PPT1: variants seen among roughly 807,000 people sequenced by gnomAD.
The protein encoded by PPT1 is palmitoyl-protein thioesterase 1.
A neutral mutation model predicts 44.0 loss-of-function variants in PPT1; 24 were observed. The observed-to-expected ratio is 0.54, with a 90% confidence interval of 0.39 to 0.77. The LOEUF (loss-of-function observed/expected upper bound fraction) is 0.77. Among genes scored for constraint, PPT1 ranks in the 30% least tolerant of loss-of-function variants. PPT1 has a pLI of 0.00. For missense variants in PPT1, 341 were observed against 378.8 expected (o/e 0.90, Z 0.83); for synonymous variants, 148 against 140.2 (o/e 1.06, Z -0.39).
At position 40,092,190 on chromosome 1, in the gene PPT1, G is replaced by T; in HGVS notation, c.235-18C>A. ...TCCACGTCCTAAAAAAGAAGCCAGA[G>T]AGAAGTGAGAGGATGGGACTGAAAA... On this transcript the variant is annotated intron_variant, in intron 2 of 8. Coordinates refer to ENST00000642050, the MANE Select transcript of PPT1 (RefSeq NM_000310.4). 6.2e-7 allele frequency: 1 copy of T among 1,614,052 alleles called. No homozygotes were observed. The highest frequency in any genetic ancestry group is 1.1e-5 in the South Asian group (1 of 91,070).
At chr1:40,091,531 G>T in intron 3 of PPT1, 132 bp from the exon 4 acceptor site, 1 of 807,320 alleles carries the variant, frequency 1.2e-6, no homozygotes, top group Non-Finnish European at 2.1e-6. Context: ...TTCCTGATAT[G>T]GGCAAATGCA....
chr1:40,091,945 G>A, intron 3 of PPT1, 100 bp downstream of exon 3: 1 of 1,451,042 alleles, frequency 6.9e-7, no homozygotes, highest in Admixed American at 1.8e-5. Flanking sequence ...TCCCTTCCAA[G>A]ATAGGTGACA....
rs1309538219 is a variant in PPT1 at position 40,076,893 on chromosome 1, A to G, written c.747T>C (p.Ser249=). The change falls in exon 8 of 9, where the codon AGT becomes AGC. Residue 249 remains serine, a synonymous_variant. Transcript: ENST00000642050. Reference sequence around the variant, plus strand: ...AGGGAATGGTTTCCTTGGCTTGGCCACTTCTGTAAAATCCAAACCACTGCA... The same window carrying G: ...AGGGAATGGTTTCCTTGGCTTGGCCGCTTCTGTAAAATCCAAACCACTGCA... ...VDSEWFGFYR[S]GQAKETIPLQ... 1 of 1,614,226 alleles carries G rather than the reference A, an allele frequency of 6.2e-7. No homozygotes were observed. The highest frequency in any genetic ancestry group is 1.7e-5 in the Admixed American group (1 of 60,036).
At chr1:40,090,145 G>GT (rs1163684864) in intron 4 of PPT1, among the ~76,000 whole-genome samples, 11 of 152,204 alleles carry the variant, frequency 7.2e-5, no homozygotes, top group South Asian at 4.2e-4. Flanking sequence ...GTATCCTGTT[G>GT]TTTTTTTCCA....
rs768065632 is a variant in PPT1 at position 40,092,114 on chromosome 1, G to A, written c.293C>T (p.Ala98Val). The A allele has an allele frequency of 6.2e-7, 1 of 1,614,040 alleles. No individual in the cohort carries two copies. Among genetic ancestry groups the A allele is most frequent in the Non-Finnish European group, 8.5e-7 (1 of 1,179,900 alleles). ...CTGCAATTTAGGATCCTTAGCAAGT[G>A]CCTGACACACTGTTGTTACTTGGGA... The part of the protein sequence containing the change: ...VNSQVTTVCQ[A>V]LAKDPKLQQG... The change falls in exon 3 of 9, where the codon GCA (alanine) becomes GTA (valine). Residue 98 changes from alanine (A) to valine (V), a missense_variant. Physicochemically the swap from Ala to Val is moderately conservative, Grantham distance 64. Transcript: ENST00000642050.
At chr1:40,076,529 C>T (rs1217586725) in intron 8 of PPT1, 28 of 885,574 alleles carry the variant, frequency 3.2e-5, no homozygotes, top group African/African-American at 3.6e-5. Context: ...GCAGACTGTA[C>T]CTCAGCCAAG....
In PPT1 at chr1:40,073,155, A is replaced by G. The variant is rs573052511; in HGVS notation, c.*906T>C. ...GAACACATCAGAAACAGTTTGGAGT[A>G]TGCTGGTAAATGTGTTTTGGGGATG... On this transcript the variant is annotated 3_prime_UTR_variant, in exon 9 of 9. Transcript: ENST00000642050. 1 of 152,346 alleles carries G rather than the reference A, an allele frequency of 6.6e-6. No homozygotes were observed. The highest frequency in any genetic ancestry group is 1.9e-4 in the East Asian group (1 of 5,190). 9.4% of individuals were successfully genotyped at this position (152,346 alleles called of 1,614,324 possible).
At chr1:40,079,181 T>A (rs1223394595) in intron 6 of PPT1, among the ~76,000 whole-genome samples, 1 of 152,204 alleles carries the variant, frequency 6.6e-6, no homozygotes, top group Non-Finnish European at 1.5e-5. Context: ...ATTTCATTCT[T>A]TTTTATGACT....
At chr1:40,081,032 A>C (rs1233662781) in intron 5 of PPT1, among the ~76,000 whole-genome samples, 4 of 152,102 alleles carry the variant, frequency 2.6e-5, no homozygotes, top group African/African-American at 9.7e-5. Flanking sequence ...CAGGCAAAGG[A>C]CTCATCAATA....
intron 5 of PPT1, among the ~76,000 whole-genome samples, chr1:40,088,193 G>T (rs1412042235): frequency 1.3e-5 from 2 of 149,076 alleles, no homozygotes; most frequent in African/African-American, 5.0e-5. Flanking sequence ...GCCTAGGCTA[G>T]AGTGCAGTGG....
chr1:40,089,458 A>T lies in PPT1; in HGVS notation c.488T>A (p.Ile163Asn), dbSNP rs1649438462. The change falls in exon 5 of 9, where the codon ATC becomes AAC. Residue 163 changes from isoleucine to asparagine, a missense_variant. Coordinates refer to ENST00000642050, the MANE Select transcript of PPT1 (RefSeq NM_000310.4). ...CGCCCCAGCATTCAGTGTTTTTCGGATGAAGTCACAGATGTGAGAGCTCTC... is the reference window on the plus strand; with the variant it reads ...CGCCCCAGCATTCAGTGTTTTTCGGTTGAAGTCACAGATGTGAGAGCTCTC... ...PGESSHICDFIRKTLNAGAYS... is the reference protein window; with the variant it reads ...PGESSHICDFNRKTLNAGAYS... 1 of 1,613,910 alleles carries T rather than the reference A, an allele frequency of 6.2e-7. No individual in the cohort carries two copies. The highest frequency in any genetic ancestry group is 1.3e-5 in the African/African-American group (1 of 74,862).
chr1:40,084,479 G>T (rs890054721), intron 5 of PPT1, among the ~76,000 whole-genome samples: 1 of 152,100 alleles, frequency 6.6e-6, no homozygotes. Flanking sequence ...AAATAGCATC[G>T]CATGCTACAA....
At chr1:40,084,141 T>C (rs1649130692) in intron 5 of PPT1, among the ~76,000 whole-genome samples, 1 of 152,148 alleles carries the variant, frequency 6.6e-6, no homozygotes, top group Non-Finnish European at 1.5e-5. Context: ...ATTCCAACCC[T>C]CATGAATGGC....
chr1:40,078,477 C>T, intron 7 of PPT1, 83 bp downstream of exon 7: 4 of 1,367,576 alleles, frequency 2.9e-6, no homozygotes, highest in South Asian at 2.3e-5. Context: ...GCTGGGATTA[C>T]AGGCATGAGC....
At chr1:40,076,992 G>A (rs1648663440) in intron 7 of PPT1, 79 bp from the exon 8 acceptor site, 2 of 1,515,056 alleles carry the variant, frequency 1.3e-6, no homozygotes, top group Non-Finnish European at 1.8e-6. Context: ...CTGGTTAGAA[G>A]CTAAAACTGC....
At chr1:40,096,370 C>T (rs1298753927) in intron 1 of PPT1, among the ~76,000 whole-genome samples, 1 of 152,164 alleles carries the variant, frequency 6.6e-6, no homozygotes, top group Non-Finnish European at 1.5e-5. Flanking sequence ...GTATCCTCAG[C>T]ACCTAGTAGG....
intron 8 of PPT1, among the ~76,000 whole-genome samples, chr1:40,075,853 A>G (rs1466276040): frequency 1.4e-5 from 2 of 146,680 alleles, no homozygotes; most frequent in Admixed American, 7.0e-5. Context: ...CCCAGCTACT[A>G]GTGAGGCTGA....
chr1:40,076,167 A>C (rs1166209358), intron 8 of PPT1, among the ~76,000 whole-genome samples: 2 of 151,910 alleles, frequency 1.3e-5, no homozygotes, highest in Non-Finnish European at 2.9e-5. Context: ...ATTAATGTTT[A>C]AAAGTAATGT....
At chr1:40,080,180 A>G (rs184973592) in intron 6 of PPT1, among the ~76,000 whole-genome samples, 1 of 152,226 alleles carries the variant, frequency 6.6e-6, no homozygotes, top group South Asian at 2.1e-4. Flanking sequence ...TTTCAACACT[A>G]GGAGAGGGAA....
Sources: gnomAD v4.1 joint callset for allele counts (sites outside exome capture counted in the v4.1 genomes callset) on GRCh38, gnomAD v4.1.1 for gene constraint, MANE v1.5 for transcripts, NCBI Gene and HGNC (gene_info 2026-07-23, HGNC 2026-07-21) for gene names.